Variants in SCAF8 observed in about 807,000 individuals in gnomAD.
SCAF8 encodes the protein SR-related and CTD-associated factor 8.
SCAF8 carries 23 observed loss-of-function variants against 140.5 expected under a neutral mutation model. That is an observed-to-expected ratio of 0.16 (90% confidence interval 0.12 to 0.23). SCAF8 has a LOEUF of 0.23. Among genes scored for constraint, SCAF8 ranks in the 10% least tolerant of loss-of-function variants. The pLI is 1.00. For missense variants in SCAF8, 1,397 were observed against 1,555.7 expected, an observed-to-expected ratio of 0.90 and a Z score of 1.72; for synonymous variants, 575 against 528.9, an observed-to-expected ratio of 1.09 and a Z score of -1.20.
At chr6:154,747,656 A>G (rs1778734328) in intron 1 of SCAF8, among the ~76,000 whole-genome samples, 1 of 152,216 alleles carries the variant, frequency 6.6e-6, no homozygotes, top group Non-Finnish European at 1.5e-5. Flanking sequence ...CTACTTGTAA[A>G]CAAGAATTAT....
rs753626719 is a variant in SCAF8, at chr6:154,832,935, A to T, written c.3356A>T (p.Glu1119Val). 2 of 1,614,006 alleles carry T rather than the reference A, an allele frequency of 1.2e-6. No homozygotes were observed. The highest frequency in any genetic ancestry group is 2.7e-5 in the African/African-American group (2 of 74,912). ...VYGGPKGLHE[E>V]RGRFRSGNYR... ...GGTGGTCCAAAAGGCTTACATGAAG[A>T]AAGAGGTAGATTTCGGTCTGGAAAC... The change falls in exon 20 of 20, where the codon GAA becomes GTA. Residue 1119 changes from glutamate to valine, a missense_variant. By Grantham distance (121) the Glu-to-Val change is moderately radical. Coordinates refer to ENST00000367178, the MANE Select transcript of SCAF8 (RefSeq NM_014892.5).
At position 154,733,849 on chromosome 6, in the gene SCAF8, C is replaced by T; in HGVS notation, c.-52C>T. 8 of 1,541,580 alleles carry T rather than the reference C, an allele frequency of 5.2e-6. No homozygotes were observed. Among genetic ancestry groups the T allele is most frequent in the East Asian group, 2.7e-5 (1 of 37,252 alleles). ...CGCGTCTCGCTCTCCCCACCCAGTG[C>T]AGTGGCCGCCGCCTCTTCCGCCGCC... On this transcript the variant is annotated 5_prime_UTR_variant, in exon 1 of 20. Transcript: ENST00000367178.
chr6:154,781,438 G>C (rs1023281907), intron 3 of SCAF8, among the ~76,000 whole-genome samples: 4 of 152,152 alleles, frequency 2.6e-5, no homozygotes, highest in Non-Finnish European at 5.9e-5. Flanking sequence ...AGAATAAATG[G>C]TATTCCCATA....
intron 11 of SCAF8, 92 bp from the exon 12 acceptor site, chr6:154,809,923 T>A: frequency 1.9e-6 from 2 of 1,057,046 alleles, no homozygotes; most frequent in Admixed American, 2.3e-5. Flanking sequence ...ATAAGACAAC[T>A]TTTTTGTTAT....
intron 4 of SCAF8, among the ~76,000 whole-genome samples, chr6:154,788,395 A>G (rs560037777): frequency 6.6e-6 from 1 of 152,366 alleles, no homozygotes; most frequent in African/African-American, 2.4e-5. Flanking sequence ...GCCATTTCTC[A>G]GAACATATCC....
In SCAF8 at chr6:154,814,206, T is replaced by A. The variant is rs146970235; in HGVS notation, c.1421-1510T>A. ...TGAGCATGATGACGCACACCTGTAG[T>A]CCCAGTTACTCGCGAGGCTGAGGAT... On this transcript the variant is annotated intron_variant, in intron 12 of 19. Coordinates refer to ENST00000367178, the MANE Select transcript of SCAF8 (RefSeq NM_014892.5). Among the ~76,000 whole-genome samples the A allele has an allele frequency of 9.7e-3, 1,479 of 152,256 alleles. 30 individuals are homozygous for A. Among genetic ancestry groups the A allele is most frequent in the African/African-American group, 0.034 (1,402 of 41,548 alleles).
At position 154,832,973 on chromosome 6, in the gene SCAF8, C is replaced by A. The variant is rs369660780; in HGVS notation, c.3394C>A (p.Pro1132Thr). 6.9e-5 allele frequency: 112 copies of A among 1,613,874 alleles called. No homozygotes were observed. Among genetic ancestry groups the A allele is most frequent in the Non-Finnish European group, 9.0e-5 (106 of 1,179,998 alleles). The change falls in exon 20 of 20, where the codon CCT (proline) becomes ACT (threonine). Residue 1132 changes from proline to threonine, a missense_variant. Physicochemically the swap from Pro to Thr is conservative, Grantham distance 38. Around this residue, in one of 5 missense-constraint regions of SCAF8, gnomAD observed 930 missense variants for 874.6 expected, o/e 1.06. Coordinates refer to ENST00000367178, the MANE Select transcript of SCAF8 (RefSeq NM_014892.5). ...RFRSGNYRFD[P>T]RSGPWNRGFG... is the part of the protein sequence containing the mutation. ...TCGGTCTGGAAACTATCGATTTGAT[C>A]CTAGAAGTGGTCCTTGGAACCGAGG...
chr6:154,747,383 G>C (rs1037596147), intron 1 of SCAF8, among the ~76,000 whole-genome samples: 3 of 152,070 alleles, frequency 2.0e-5, no homozygotes, highest in Non-Finnish European at 4.4e-5. Flanking sequence ...AATTAGCTGG[G>C]TATGGTGATG....
rs1466212798 is a variant in SCAF8, at chr6:154,831,971, A to T, written c.2392A>T (p.Ile798Phe). 1 of 1,606,494 alleles carries T rather than the reference A, an allele frequency of 6.2e-7. No homozygotes were observed. Among genetic ancestry groups the T allele is most frequent in the Non-Finnish European group, 8.5e-7 (1 of 1,177,510 alleles). ...IPNDISSNAA[I>F]LGGQPPNVTS... ...AAATGATATTTCAAGTAATGCTGCAATTTTAGGAGGACAGCCGCCAAATGT... is the reference window on the plus strand; with the variant it reads ...AAATGATATTTCAAGTAATGCTGCATTTTTAGGAGGACAGCCGCCAAATGT... Residue 798 changes from isoleucine (I) to phenylalanine (F), a missense_variant, in exon 20 of 20, where the codon ATT (isoleucine) becomes TTT (phenylalanine). Transcript: ENST00000367178.
intron 7 of SCAF8, among the ~76,000 whole-genome samples, chr6:154,802,745 ATTTCT>A (rs1777806783): frequency 6.6e-6 from 1 of 152,110 alleles, no homozygotes; most frequent in African/African-American, 2.4e-5. Context: ...AGCTTGTCTG[ATTTCT>A]TTCATGGGTG....
At chr6:154,757,638 A>G (rs1316036905) in intron 1 of SCAF8, among the ~76,000 whole-genome samples, 1 of 152,212 alleles carries the variant, frequency 6.6e-6, no homozygotes, top group African/African-American at 2.4e-5. Context: ...ATTGGCTGCT[A>G]CTTATTGAAG....
rs376622207 is a variant in SCAF8 at position 154,796,389 on chromosome 6, C to CTCTCTCTG, written c.606+1253_606+1254insCTCTGTCT. ...TCTCTCTCTCTCTCTCTCTCTCTCTCTCTGTCTCTCTCTTTTTCTGACCCT... is the reference window on the plus strand; with the variant it reads ...TCTCTCTCTCTCTCTCTCTCTCTCTCTCTCTCTGTCTGTCTCTCTCTTTTTCTGACCCT... On this transcript the variant is annotated intron_variant, in intron 6 of 19. Transcript: ENST00000367178. Among the ~76,000 whole-genome samples, 140 of 141,050 alleles carry CTCTCTCTG rather than the reference C, an allele frequency of 9.9e-4. 2 individuals carry two copies. Among genetic ancestry groups the CTCTCTCTG allele is most frequent in the African/African-American group, 3.2e-3 (118 of 36,372 alleles). 92.5% of individuals were successfully genotyped at this position (141,050 alleles called of 152,430 possible).
At position 154,778,190 on chromosome 6, in the gene SCAF8, A is replaced by G. The variant is rs371715362; in HGVS notation, c.159+145A>G. ...TTATTTTATTTTCCAATTAAGAAAT[A>G]AAATAAAAGTGCCTTTCAGATAATT... On this transcript the variant is annotated intron_variant, in intron 3 of 19. Coordinates refer to ENST00000367178, the MANE Select transcript of SCAF8 (RefSeq NM_014892.5). 53 of 562,662 alleles carry G rather than the reference A, an allele frequency of 9.4e-5. 1 individual carries two copies. The South Asian group carries it at 1.1e-3, about 12-fold the overall frequency. 34.9% of individuals were successfully genotyped at this position (562,662 alleles called of 1,614,324 possible).
chr6:154,743,203 C>T (rs866229437), intron 1 of SCAF8, among the ~76,000 whole-genome samples: 1 of 152,176 alleles, frequency 6.6e-6, no homozygotes, highest in South Asian at 2.1e-4. Flanking sequence ...TGCCTGTCCA[C>T]TGTTCAAAAT....
chr6:154,766,750 A>T (rs1191831196), intron 1 of SCAF8, among the ~76,000 whole-genome samples: 1 of 143,996 alleles, frequency 6.9e-6, no homozygotes, highest in Non-Finnish European at 1.5e-5. Flanking sequence ...GTCATGTGCA[A>T]CATCTGGACA....
chr6:154,796,280 T>G (rs184898832), intron 6 of SCAF8, among the ~76,000 whole-genome samples: 80 of 152,186 alleles, frequency 5.3e-4, no homozygotes, highest in African/African-American at 1.9e-3. Context: ...GATTAAAAAT[T>G]TTATTAGTGA....
chr6:154,770,520 G>C (rs1011260152), intron 1 of SCAF8, among the ~76,000 whole-genome samples: 1 of 151,804 alleles, frequency 6.6e-6, no homozygotes, highest in Non-Finnish European at 1.5e-5. Flanking sequence ...GCAGTGATCG[G>C]TGCTTATGCC....
intron 8 of SCAF8, among the ~76,000 whole-genome samples, chr6:154,804,112 G>A (rs1777846122): frequency 6.6e-6 from 1 of 151,702 alleles, no homozygotes; most frequent in Non-Finnish European, 1.5e-5. Flanking sequence ...CAATTCTGCA[G>A]TGCCCAAGGT....
chr6:154,733,921 C>T lies in SCAF8; in HGVS notation c.21C>T (p.Phe7=). The change falls in exon 1 of 20, where the codon TTC becomes TTT. Residue 7 remains phenylalanine, a synonymous_variant. Transcript: ENST00000367178. The stretch of plus-strand genomic sequence containing the variant: ...ACAACATGGAGGCCGTGAAGACCTT[C>T]AATAGCGAGGTTGGTATGGCAGCCG... MEAVKT[F]NSELYSLNDY... 2 of 1,536,858 alleles carry T rather than the reference C, an allele frequency of 1.3e-6. No homozygotes were observed. Among genetic ancestry groups the T allele is most frequent in the Non-Finnish European group, 1.7e-6 (2 of 1,148,656 alleles).
Sources: gnomAD v4.1 joint callset for allele counts (sites outside exome capture counted in the v4.1 genomes callset) on GRCh38, gnomAD v4.1.1 for gene constraint, gnomAD v4.1.1 regional missense constraint, MANE v1.5 for transcripts, NCBI Gene and HGNC (gene_info 2026-07-23, HGNC 2026-07-21) for gene names.